SLC6A5: variants seen among roughly 807,000 people sequenced by gnomAD.
SLC6A5 encodes sodium- and chloride-dependent glycine transporter 2.
SLC6A5 carries 58 observed loss-of-function variants against 90.5 expected under a neutral mutation model. The ratio of observed to expected loss-of-function variants is 0.64; its 90% CI spans 0.52 to 0.80. The LOEUF (loss-of-function observed/expected upper bound fraction) is 0.80, where lower values mean the gene tolerates loss of function less well. SLC6A5 is among the 30% of genes least tolerant of loss of function. SLC6A5 has a pLI of 0.00. For missense variants in SLC6A5, 1,015 were observed against 1,017.6 expected (o/e 1.00, Z 0.03); for synonymous variants, 427 against 401.4 (o/e 1.06, Z -0.76).
At chr11:20,605,794 C>A (rs1376511022) in intron 3 of SLC6A5, among the ~76,000 whole-genome samples, 2 of 152,230 alleles carry the variant, frequency 1.3e-5, no homozygotes, top group African/African-American at 2.4e-5. Flanking sequence ...GGCCCCTCAG[C>A]CCTCAGTGCG....
At chr11:20,607,760 G>T in intron 5 of SLC6A5, 108 bp downstream of exon 5, 1 of 837,904 alleles carries the variant, frequency 1.2e-6, no homozygotes, top group East Asian at 2.6e-5. Flanking sequence ...CTAGGTTCTG[G>T]GAACACAGAG....
chr11:20,649,659 T>A (rs1297346334), intron 14 of SLC6A5, among the ~76,000 whole-genome samples: 1 of 152,202 alleles, frequency 6.6e-6, no homozygotes, highest in African/African-American at 2.4e-5. Flanking sequence ...AAAACGAAAT[T>A]GATCATTTTT....
At chr11:20,605,916 C>T (rs980728891) in intron 3 of SLC6A5, among the ~76,000 whole-genome samples, 1 of 152,226 alleles carries the variant, frequency 6.6e-6, no homozygotes, top group Admixed American at 6.5e-5. Flanking sequence ...GCGGCTGCCC[C>T]TGGGCCTTCC....
At chr11:20,643,932 G>A (rs542946545) in intron 13 of SLC6A5, among the ~76,000 whole-genome samples, 1 of 152,252 alleles carries the variant, frequency 6.6e-6, no homozygotes, top group Non-Finnish European at 1.5e-5. Context: ...AGGAGTGGAG[G>A]GCTGTGAAGG....
intron 5 of SLC6A5, among the ~76,000 whole-genome samples, chr11:20,610,605 G>A (rs1401762324): frequency 6.6e-6 from 1 of 152,222 alleles, no homozygotes; most frequent in Non-Finnish European, 1.5e-5. Context: ...GATATGGAGT[G>A]TTCTTTAATT....
intron 7 of SLC6A5, among the ~76,000 whole-genome samples, chr11:20,626,147 T>C (rs555381606): frequency 1.3e-5 from 2 of 152,370 alleles, no homozygotes; most frequent in South Asian, 4.1e-4. Context: ...GATTTACAGA[T>C]ACTGAAACTA....
Position 20,630,794 on chromosome 11 carries a change from A to G in SLC6A5, c.1603A>G (p.Ile535Val). Residue 535 changes from isoleucine (I) to valine (V), a missense_variant, in exon 10 of 16, where the codon ATT (isoleucine) becomes GTT (valine). Physicochemically the swap from Ile to Val is conservative, Grantham distance 29. Transcript: ENST00000525748. ...GFMANERKVN[I>V]ENVADQGPGI... Reference sequence around the variant, plus strand: ...CATGGCCAATGAACGCAAAGTCAACATTGAGAATGTGGCAGACCAAGGTAC... The same window carrying G: ...CATGGCCAATGAACGCAAAGTCAACGTTGAGAATGTGGCAGACCAAGGTAC... 2 of 1,614,206 alleles carry G rather than the reference A, an allele frequency of 1.2e-6. No individual in the cohort carries two copies.
chr11:20,638,393 A>T (rs2133810641), intron 12 of SLC6A5, 66 bp from the exon 13 acceptor site: 1 of 972,238 alleles, frequency 1.0e-6, no homozygotes, highest in Middle Eastern at 2.2e-4. Flanking sequence ...ACTGGCTGTT[A>T]AACGTGGGAA....
intron 12 of SLC6A5, among the ~76,000 whole-genome samples, chr11:20,638,096 A>C (rs934479342): frequency 6.6e-6 from 1 of 152,270 alleles, no homozygotes; most frequent in African/African-American, 2.4e-5. Flanking sequence ...AATCGAATGC[A>C]GATACATAGG....
chr11:20,607,110 T>G lies in SLC6A5; in HGVS notation c.783T>G (p.Ser261=). The change falls in exon 4 of 16, where the codon TCT becomes TCG. Residue 261 remains serine, a synonymous_variant. Transcript: ENST00000525748. ...LGQFASQGPV[S]VWKAIPALQG... is the part of the protein sequence containing the mutation. ...AGTTTGCCAGCCAGGGACCAGTGTC[T>G]GTGTGGAAGGCCATCCCAGCTCTAC... 2 of 1,614,124 alleles carry G rather than the reference T, an allele frequency of 1.2e-6. No homozygotes were observed. Among genetic ancestry groups the G allele is most frequent in the Non-Finnish European group, 1.7e-6 (2 of 1,180,010 alleles).
intron 13 of SLC6A5, among the ~76,000 whole-genome samples, chr11:20,645,836 C>T (rs531994809): frequency 2.3e-4 from 35 of 152,132 alleles, no homozygotes; most frequent in South Asian, 1.7e-3. Flanking sequence ...GGGGTTTCAC[C>T]GTGTTAGACG....
Position 20,657,759 on chromosome 11 carries a change from A to G in SLC6A5, c.*2891A>G, listed in dbSNP as rs1479503578. ...GAAACTCATTCAGAAAAAAAGCCAT[A>G]TGTGAAAAACAGTAATCCTGTCATA... On this transcript the variant is annotated 3_prime_UTR_variant, in exon 16 of 16. Coordinates refer to ENST00000525748, the MANE Select transcript of SLC6A5 (RefSeq NM_004211.5). 6.6e-6 allele frequency: 1 copy of G among 152,230 alleles called. No homozygotes were observed. The highest frequency in any genetic ancestry group is 1.5e-5 in the Non-Finnish European group (1 of 68,042). The allele number at this position is 152,230 out of a possible 1,614,324, so 9.4% of individuals were successfully genotyped here. A position where few individuals can be genotyped will look rare whatever the true frequency, so the allele number is the denominator to read the frequency against.
chr11:20,617,919 A>C lies in SLC6A5; in HGVS notation c.1260+35A>C, dbSNP rs7925624. On this transcript the variant is annotated intron_variant, in intron 7 of 15. Coordinates refer to ENST00000525748, the MANE Select transcript of SLC6A5 (RefSeq NM_004211.5). ...TGGATTTATCTAAGAGAAAGCTGTG[A>C]GACACCCAGGGGCGGTTGCTTTGGG... 0.039 allele frequency: 62,940 copies of C among 1,609,938 alleles called. 7,458 individuals are homozygous for C. The East Asian group carries it at 0.39, about 10-fold the overall frequency.
intron 13 of SLC6A5, among the ~76,000 whole-genome samples, chr11:20,640,697 T>TAA (rs34284603): frequency 1.3e-5 from 2 of 148,170 alleles, no homozygotes; most frequent in African/African-American, 5.0e-5. Flanking sequence ...CTGTTTGAGG[T>TAA]AAAAAAAAAA....
chr11:20,601,792 C>G (rs1487292574), intron 2 of SLC6A5, 127 bp downstream of exon 2: 6 of 1,022,526 alleles, frequency 5.9e-6, no homozygotes, highest in Non-Finnish European at 8.7e-6. Flanking sequence ...GTGATGGATG[C>G]GGGAGGCGGC....
At chr11:20,646,773 G>A (rs1015256334) in intron 13 of SLC6A5, 61 bp from the exon 14 acceptor site, 3 of 1,190,906 alleles carry the variant, frequency 2.5e-6, no homozygotes, top group Middle Eastern at 1.9e-4. Context: ...TGCCTGCCCT[G>A]CCACCACCTC....
chr11:20,630,167 T>C (rs572097169), intron 9 of SLC6A5, among the ~76,000 whole-genome samples: 4 of 152,176 alleles, frequency 2.6e-5, no homozygotes, highest in Non-Finnish European at 5.9e-5. Flanking sequence ...GGCTGGGAAG[T>C]CCAAGTTCAA....
rs1853629721 is a variant in SLC6A5, at chr11:20,655,757, C to T, written c.*889C>T. The T allele has an allele frequency of 6.6e-6, 1 of 152,166 alleles. No individual in the cohort carries two copies. Among genetic ancestry groups the T allele is most frequent in the Non-Finnish European group, 1.5e-5 (1 of 68,036 alleles). 9.4% of individuals were successfully genotyped at this position (152,166 alleles called of 1,614,324 possible). A position where few individuals can be genotyped will look rare whatever the true frequency, so the allele number is the denominator to read the frequency against. On this transcript the variant is annotated 3_prime_UTR_variant, in exon 16 of 16. Coordinates refer to ENST00000525748, the MANE Select transcript of SLC6A5 (RefSeq NM_004211.5). Reference sequence around the variant, plus strand: ...ATGTCTTTCTATAAGCTGTAGACACCTTGTCTTTTGACCTCTGGGAAAACA... The same window carrying T: ...ATGTCTTTCTATAAGCTGTAGACACTTTGTCTTTTGACCTCTGGGAAAACA...
chr11:20,628,033 A>C lies in SLC6A5; in HGVS notation c.1449A>C (p.Gly483=), dbSNP rs1157137456. The change falls in exon 9 of 16, where the codon GGA becomes GGC. Residue 483 remains glycine, a synonymous_variant. Transcript: ENST00000525748. ...QIFFSLSAAW[G]GLITLSSYNK... Reference sequence around the variant, plus strand: ...TCTTCTCTTTATCTGCTGCATGGGGAGGCCTGATCACTCTCTCTTCTTACA... The same window carrying C: ...TCTTCTCTTTATCTGCTGCATGGGGCGGCCTGATCACTCTCTCTTCTTACA... 6.2e-7 allele frequency: 1 copy of C among 1,613,918 alleles called. No individual in the cohort carries two copies. The highest frequency in any genetic ancestry group is 1.7e-5 in the Admixed American group (1 of 59,984).
Sources: allele counts gnomAD v4.1 joint callset (sites outside exome capture counted in the v4.1 genomes callset), GRCh38; gene constraint gnomAD v4.1.1; transcripts MANE v1.5; gene names NCBI Gene and HGNC (gene_info 2026-07-23, HGNC 2026-07-21).